PCSK1: variants seen among roughly 807,000 people sequenced by gnomAD.
The protein encoded by PCSK1 is neuroendocrine convertase 1.
Under a neutral mutation model 90.6 loss-of-function variants are expected in PCSK1, and 56 were observed. The ratio of observed to expected loss-of-function variants is 0.62; its 90% CI spans 0.50 to 0.77. PCSK1 has a LOEUF of 0.77. PCSK1 is among the 30% of genes least tolerant of loss of function. The pLI is 0.00. For missense variants in PCSK1, 801 were observed against 932.6 expected (o/e 0.86, Z 1.84); for synonymous variants, 348 against 342.4 (o/e 1.02, Z -0.18).
chr5:96,419,656 A>G (rs1376839768), intron 5 of PCSK1, among the ~76,000 whole-genome samples: 1 of 151,906 alleles, frequency 6.6e-6, no homozygotes, highest in African/African-American at 2.4e-5. Flanking sequence ...TGCTGTGTGG[A>G]AGATTCACAG....
At chr5:96,413,971 A>G (rs925829531) in intron 6 of PCSK1, among the ~76,000 whole-genome samples, 3 of 145,016 alleles carry the variant, frequency 2.1e-5, no homozygotes, top group African/African-American at 5.2e-5. Context: ...TACAAAAAAA[A>G]AAAAAAAAAA....
chr5:96,423,496 T>C, intron 3 of PCSK1, 37 bp from the exon 4 acceptor site: 2 of 1,607,958 alleles, frequency 1.2e-6, no homozygotes, highest in South Asian at 2.2e-5. Context: ...GATAAAATTA[T>C]CATTTGCTTG....
intron 4 of PCSK1, 122 bp from the exon 5 acceptor site, chr5:96,422,078 C>T: frequency 1.4e-6 from 1 of 700,138 alleles, no homozygotes; most frequent in Non-Finnish European, 2.5e-6. Flanking sequence ...AGCTCAAAAG[C>T]CTGCATTTTA....
At position 96,425,775 on chromosome 5, in the gene PCSK1, C is replaced by G. The variant is rs773298966; in HGVS notation, c.396+45G>C. 5 of 1,044,662 alleles carry G rather than the reference C, an allele frequency of 4.8e-6. No individual in the cohort carries two copies. The South Asian group carries it at 6.3e-5, about 13-fold the overall frequency. The allele number at this position is 1,044,662 out of a possible 1,614,324, so 64.7% of individuals were successfully genotyped here. A position where few individuals can be genotyped will look rare whatever the true frequency, so the allele number is the denominator to read the frequency against. On this transcript the variant is annotated intron_variant, in intron 3 of 13. Transcript: ENST00000311106. ...TTGCAAATGTAACAACATAAAGAAG[C>G]CAGGTCCCAGGTCCCACCCACATAG...
chr5:96,430,670 C>T (rs921493428), intron 1 of PCSK1, among the ~76,000 whole-genome samples: 33 of 152,108 alleles, frequency 2.2e-4, no homozygotes, highest in Admixed American at 5.2e-4. Context: ...GAACCAGGAA[C>T]GTGCTATCAG....
chr5:96,419,454 T>C (rs1243543444), intron 5 of PCSK1, among the ~76,000 whole-genome samples: 1 of 150,244 alleles, frequency 6.7e-6, no homozygotes, highest in East Asian at 1.9e-4. Flanking sequence ...TCTCTATATA[T>C]ATATACACTC....
At chr5:96,418,671 C>A (rs1484588908) in intron 5 of PCSK1, among the ~76,000 whole-genome samples, 3 of 152,120 alleles carry the variant, frequency 2.0e-5, no homozygotes, top group Non-Finnish European at 4.4e-5. Flanking sequence ...AAGGCCAAGA[C>A]AAAATGGAGC....
intron 12 of PCSK1, 43 bp downstream of exon 12, chr5:96,397,293 T>C: frequency 6.9e-6 from 11 of 1,585,572 alleles, no homozygotes; most frequent in Non-Finnish European, 9.5e-6. Flanking sequence ...TCAAAATGTT[T>C]AAAAGTAAGC....
chr5:96,425,780 TC>T (rs1479856921), intron 3 of PCSK1, 39 bp downstream of exon 3: 2 of 1,100,138 alleles, frequency 1.8e-6, no homozygotes, highest in East Asian at 4.7e-5. Flanking sequence ...AGAAGCCAGG[TC>T]CCAGGTCCCA....
intron 9 of PCSK1, among the ~76,000 whole-genome samples, chr5:96,406,132 T>C (rs1199250401): frequency 6.6e-6 from 1 of 152,136 alleles, no homozygotes; most frequent in Non-Finnish European, 1.5e-5. Flanking sequence ...TCTGAGAATC[T>C]TAGGAAGAGA....
At chr5:96,408,469 A>G in intron 8 of PCSK1, 146 bp from the exon 9 acceptor site, 1 of 690,598 alleles carries the variant, frequency 1.4e-6, no homozygotes, top group South Asian at 1.5e-5. Context: ...TCTAAACCAC[A>G]GGCGGATGTT....
In PCSK1 at chr5:96,397,452, A is replaced by G. The variant is rs1252260952; in HGVS notation, c.1606T>C (p.Leu536=). 1 of 1,613,286 alleles carries G rather than the reference A, an allele frequency of 6.2e-7. No homozygotes were observed. The highest frequency in any genetic ancestry group is 1.7e-5 in the Admixed American group (1 of 60,006). The change falls in exon 12 of 14, where the codon TTG becomes CTG. Residue 536 remains leucine, a synonymous_variant. Transcript: ENST00000311106. ...TSAAGTSTVL[L]AERERDTSPN... ...GATGTATCCCGTTCTCTTTCAGCCA[A>G]GAGCACAGTGCTAGTTCCTATGAAA...
intron 9 of PCSK1, among the ~76,000 whole-genome samples, chr5:96,402,043 A>C (rs1450695289): frequency 1.3e-5 from 2 of 152,136 alleles, no homozygotes; most frequent in African/African-American, 4.8e-5. Flanking sequence ...TTTACTCCTC[A>C]AGGTTCCTGT....
intron 1 of PCSK1, among the ~76,000 whole-genome samples, 196 bp from the exon 2 acceptor site, chr5:96,429,513 G>A (rs1427150725): frequency 2.0e-5 from 3 of 152,074 alleles, no homozygotes; most frequent in Non-Finnish European, 4.4e-5. Flanking sequence ...AGGTAAACTT[G>A]TGTCACGGGG....
chr5:96,397,511 G>T, intron 11 of PCSK1, 42 bp from the exon 12 acceptor site: 2 of 1,541,188 alleles, frequency 1.3e-6, no homozygotes, highest in South Asian at 2.2e-5. Context: ...TAATAGCTCT[G>T]ATAGTAGGAT....
chr5:96,411,258 G>A (rs77501654), intron 7 of PCSK1, among the ~76,000 whole-genome samples: 1,558 of 152,296 alleles, frequency 0.01, 29 homozygotes, highest in African/African-American at 0.035. Flanking sequence ...ATAATCTAGC[G>A]TTTTGCACTT....
In PCSK1 at chr5:96,408,240, A is replaced by G. The variant is rs142097318; in HGVS notation, c.1179T>C (p.Ala393=). The change falls in exon 9 of 14, where the codon GCT becomes GCC. Residue 393 remains alanine, a synonymous_variant. Transcript: ENST00000311106. ...GGCCTTACTTTGCTTCCAGGGCCAG[A>G]GCGAAGATGCCAGCAGCCAGAGGTG... ...ASAPLAAGIF[A]LALEANPNLT... is the part of the protein sequence containing the mutation. 1.3e-4 allele frequency: 211 copies of G among 1,613,826 alleles called. No individual in the cohort carries two copies. The African/African-American group carries it at 2.6e-3, about 20-fold the overall frequency.
Position 96,432,144 on chromosome 5 carries a change from T to G in PCSK1, c.180+719A>C, listed in dbSNP as rs144349986. 6.2e-5 allele frequency: 95 copies of G among 1,535,324 alleles called. No homozygotes were observed. The East Asian group carries it at 2.2e-3, about 36-fold the overall frequency. ...CATAGTCAGTTCGGCATCTCGACCC[T>G]GCAGTGGGACTGGCCGGGCAAAGTT... On this transcript the variant is annotated intron_variant, in intron 1 of 13. Coordinates refer to ENST00000311106, the MANE Select transcript of PCSK1 (RefSeq NM_000439.5).
At chr5:96,413,260 G>A (rs564428314) in intron 6 of PCSK1, among the ~76,000 whole-genome samples, 90 of 152,230 alleles carry the variant, frequency 5.9e-4, no homozygotes, top group African/African-American at 1.9e-3. Flanking sequence ...ATGTAGGTGC[G>A]GTAGCTCTTT....
Sources: allele counts gnomAD v4.1 joint callset (sites outside exome capture counted in the v4.1 genomes callset), GRCh38; gene constraint gnomAD v4.1.1; transcripts MANE v1.5; gene names NCBI Gene and HGNC (gene_info 2026-07-23, HGNC 2026-07-21).